PTPRD: variants seen among roughly 807,000 people sequenced by gnomAD.
PTPRD encodes the protein protein tyrosine phosphatase receptor type D.
A neutral mutation model predicts 214.5 loss-of-function variants in PTPRD; 34 were observed. The ratio of observed to expected loss-of-function variants is 0.16; its 90% CI spans 0.12 to 0.21. PTPRD has a LOEUF of 0.21. Ranked by LOEUF, PTPRD falls within the 10% of genes least tolerant of loss-of-function variation. The probability of loss-of-function intolerance (pLI) is 1.00; values close to 1 mark genes in which losing one functional copy is unlikely to be tolerated. For missense variants in PTPRD, 2,545 were observed against 2,398.7 expected, an observed-to-expected ratio of 1.06 and a Z score of -1.27; for synonymous variants, 1,128 against 845.7, an observed-to-expected ratio of 1.33 and a Z score of -5.79.
intron 12 of PTPRD, 95 bp from the exon 13 acceptor site, chr9:8,636,939 C>A (rs141303595): frequency 8.1e-7 from 1 of 1,227,236 alleles, no homozygotes; most frequent in Non-Finnish European, 1.1e-6. Flanking sequence ...TCAACCACAC[C>A]GCCATCAAGA....
chr9:10,491,383 G>A (rs1251336309), intron 2 of PTPRD, among the ~76,000 whole-genome samples: 1 of 152,004 alleles, frequency 6.6e-6, no homozygotes, highest in African/African-American at 2.4e-5. Context: ...TAAGACATAA[G>A]AATTAGATCA....
chr9:9,553,360 T>C (rs736043), intron 8 of PTPRD, among the ~76,000 whole-genome samples: 24,697 of 152,034 alleles, frequency 0.16, 2,172 homozygotes, highest in Middle Eastern at 0.19. Flanking sequence ...CTAAGCAGCA[T>C]TTCTGCCAAC....
At chr9:8,442,245 A>G (rs1564837865) in intron 34 of PTPRD, among the ~76,000 whole-genome samples, 1 of 152,222 alleles carries the variant, frequency 6.6e-6, no homozygotes, top group African/African-American at 2.4e-5. Context: ...TTGCTTTTCA[A>G]AAGTCCTGCT....
chr9:9,591,170 G>A, intron 7 of PTPRD, among the ~76,000 whole-genome samples: 1 of 151,794 alleles, frequency 6.6e-6, no homozygotes, highest in East Asian at 1.9e-4. Flanking sequence ...GAATTCTCTG[G>A]CTGTGGTTAG....
intron 37 of PTPRD, among the ~76,000 whole-genome samples, chr9:8,380,438 C>T (rs1385710539): frequency 1.3e-5 from 2 of 152,148 alleles, no homozygotes; most frequent in Non-Finnish European, 2.9e-5. Context: ...GGTTTAGAAA[C>T]ATCACCCAGT....
chr9:10,121,482 A>G (rs1204139821), intron 3 of PTPRD, among the ~76,000 whole-genome samples: 1 of 152,212 alleles, frequency 6.6e-6, no homozygotes, highest in African/African-American at 2.4e-5. Flanking sequence ...TCTACTACTA[A>G]CAACACATAA....
chr9:8,552,598 C>G (rs1301114344), intron 14 of PTPRD, among the ~76,000 whole-genome samples: 1 of 152,060 alleles, frequency 6.6e-6, no homozygotes, highest in Non-Finnish European at 1.5e-5. Flanking sequence ...ATAGGAAATC[C>G]AACCAGCGAC....
At chr9:10,529,727 A>G (rs992934129) in intron 2 of PTPRD, among the ~76,000 whole-genome samples, 24 of 150,066 alleles carry the variant, frequency 1.6e-4, no homozygotes, top group African/African-American at 5.7e-4. Flanking sequence ...TAATAATAAT[A>G]AAAAGAATGA....
intron 2 of PTPRD, among the ~76,000 whole-genome samples, chr9:10,371,293 AACCAG>A (rs1474532183): frequency 3.3e-5 from 5 of 152,056 alleles, no homozygotes; most frequent in Non-Finnish European, 7.4e-5. Context: ...ATAGTGACAT[AACCAG>A]TTGCTACCGA....
At chr9:9,519,167 C>T (rs2096905650) in intron 8 of PTPRD, among the ~76,000 whole-genome samples, 1 of 151,610 alleles carries the variant, frequency 6.6e-6, no homozygotes, top group Non-Finnish European at 1.5e-5. Context: ...GATACTGAAA[C>T]ATTACCCATC....
intron 43 of PTPRD, among the ~76,000 whole-genome samples, chr9:8,338,627 C>A (rs1248663977): frequency 6.6e-6 from 1 of 152,044 alleles, no homozygotes; most frequent in African/African-American, 2.4e-5. Context: ...GTAAGCACAG[C>A]CAACCAATCA....
chr9:9,454,977 A>C (rs1017305215), intron 8 of PTPRD, among the ~76,000 whole-genome samples: 5 of 151,664 alleles, frequency 3.3e-5, no homozygotes, highest in Admixed American at 6.6e-5. Flanking sequence ...AGAGTGCCTA[A>C]GGGCACAGAT....
At chr9:8,555,690 T>G (rs1482369554) in intron 14 of PTPRD, among the ~76,000 whole-genome samples, 4 of 152,216 alleles carry the variant, frequency 2.6e-5, no homozygotes. Context: ...AGAATGCAGT[T>G]TCCTATAGTC....
chr9:8,873,520 T>A (rs1459764913), intron 11 of PTPRD, among the ~76,000 whole-genome samples: 1 of 152,220 alleles, frequency 6.6e-6, no homozygotes, highest in Non-Finnish European at 1.5e-5. Context: ...AACTTTATTT[T>A]TTTTTAACCA....
chr9:8,882,214 GTTCCT>G (rs2098452216), intron 11 of PTPRD, among the ~76,000 whole-genome samples: 1 of 152,126 alleles, frequency 6.6e-6, no homozygotes, highest in Non-Finnish European at 1.5e-5. Flanking sequence ...ACAGAGTGGT[GTTCCT>G]TTCATTTCAT....
intron 8 of PTPRD, among the ~76,000 whole-genome samples, chr9:9,562,937 C>T (rs116532094): frequency 0.016 from 2,422 of 152,180 alleles, 63 homozygotes; most frequent in African/African-American, 0.055. Flanking sequence ...CTTGTATTTA[C>T]GGTGTAACTC....
intron 10 of PTPRD, among the ~76,000 whole-genome samples, chr9:9,095,036 CA>C (rs1403582830): frequency 6.6e-6 from 1 of 152,134 alleles, no homozygotes; most frequent in African/African-American, 2.4e-5. Flanking sequence ...AATCAACCAA[CA>C]ACTGATATCA....
At chr9:9,494,094 C>G (rs7047629) in intron 8 of PTPRD, among the ~76,000 whole-genome samples, 15,666 of 152,094 alleles carry the variant, frequency 0.1, 888 homozygotes, top group South Asian at 0.16. Context: ...AGAAATAGAA[C>G]TGGAGCTGGA....
chr9:9,138,774 A>G (rs925091108), intron 10 of PTPRD, among the ~76,000 whole-genome samples: 16 of 152,172 alleles, frequency 1.1e-4, no homozygotes, highest in African/African-American at 3.9e-4. Flanking sequence ...ATCTAGAATA[A>G]TGTTTGGCAT....
Sources: gnomAD v4.1 joint callset for allele counts (sites outside exome capture counted in the v4.1 genomes callset) on GRCh38, gnomAD v4.1.1 for gene constraint, MANE v1.5 for transcripts, NCBI Gene and HGNC (gene_info 2026-07-23, HGNC 2026-07-21) for gene names.